The following SNTG1 variants were observed in gnomAD, a reference collection of about 807,000 sequenced individuals.
SNTG1 encodes the protein syntrophin gamma 1, also known as gamma-1-syntrophin.
Under a neutral mutation model 74.7 loss-of-function variants are expected in SNTG1, and 39 were observed. That is an observed-to-expected ratio of 0.52 (90% CI 0.40 to 0.68). SNTG1 has a LOEUF of 0.68. Among genes scored for constraint, SNTG1 ranks in the 30% least tolerant of loss-of-function variants. The pLI, the probability that SNTG1 is intolerant of heterozygous loss-of-function variation, is 0.00. For missense variants in SNTG1, 685 were observed against 609.5 expected (o/e 1.12, Z -1.30); for synonymous variants, 254 against 217.1 (o/e 1.17, Z -1.49).
At chr8:49,925,022 G>A (rs1464070250) in intron 1 of SNTG1, among the ~76,000 whole-genome samples, 1 of 151,924 alleles carries the variant, frequency 6.6e-6, no homozygotes, top group Non-Finnish European at 1.5e-5. Flanking sequence ...ATGTGGTGGT[G>A]TGTGCTGGCA....
intron 2 of SNTG1, among the ~76,000 whole-genome samples, chr8:50,253,491 G>A (rs963955654): frequency 5.3e-5 from 8 of 152,028 alleles, no homozygotes; most frequent in Non-Finnish European, 1.2e-4. Flanking sequence ...ATAAATCCAA[G>A]GGAAATGAAA....
chr8:50,695,116 A>T (rs183592967), intron 15 of SNTG1, among the ~76,000 whole-genome samples: 1 of 152,068 alleles, frequency 6.6e-6, no homozygotes, highest in East Asian at 1.9e-4. Flanking sequence ...AATAAATGGC[A>T]TAAAGACTGA....
At chr8:50,327,905 A>G (rs1426797947) in intron 2 of SNTG1, among the ~76,000 whole-genome samples, 1 of 152,150 alleles carries the variant, frequency 6.6e-6, no homozygotes, top group East Asian at 1.9e-4. Context: ...TCAAATAACT[A>G]CTTCTCTTCA....
chr8:50,140,328 T>C (rs1259332455), intron 1 of SNTG1, among the ~76,000 whole-genome samples: 1 of 152,210 alleles, frequency 6.6e-6, no homozygotes, highest in African/African-American at 2.4e-5. Context: ...AGTCTTCTTC[T>C]GAGCCTAATG....
chr8:50,582,057 C>A (rs113175597), intron 12 of SNTG1, among the ~76,000 whole-genome samples: 3 of 152,252 alleles, frequency 2.0e-5, no homozygotes, highest in African/African-American at 4.8e-5. Context: ...CCTATTTTGT[C>A]TGGATCTGAC....
At chr8:50,033,684 T>A (rs1039358586) in intron 1 of SNTG1, among the ~76,000 whole-genome samples, 1 of 152,122 alleles carries the variant, frequency 6.6e-6, no homozygotes, top group Non-Finnish European at 1.5e-5. Context: ...CTCCCTGGTA[T>A]CTCTGTGTGT....
chr8:50,569,904 A>G (rs1299815164), intron 12 of SNTG1, among the ~76,000 whole-genome samples: 2 of 152,336 alleles, frequency 1.3e-5, no homozygotes, highest in South Asian at 2.1e-4. Flanking sequence ...AAATAATTGC[A>G]GAGAGAGTCA....
chr8:50,773,021 G>A (rs1286092184), intron 18 of SNTG1, among the ~76,000 whole-genome samples: 1 of 152,070 alleles, frequency 6.6e-6, no homozygotes. Context: ...TCAGTCACCA[G>A]AGTAATGAAC....
rs1587707877 is a variant in SNTG1, at chr8:50,462,794, CTCTTTTT to C, written c.363+12067_363+12073del. 3.7e-3 allele frequency among the ~76,000 whole-genome samples: 162 copies of C among 43,618 alleles called. 46 individuals carry two copies. The highest frequency in any genetic ancestry group is 8.4e-3 in the East Asian group (9 of 1,066). 28.6% of individuals were successfully genotyped at this position (43,618 alleles called of 152,430 possible). A position where few individuals can be genotyped will look rare whatever the true frequency, so the allele number is the denominator to read the frequency against. Reference sequence around the variant, plus strand: ...AACTCAGTCGCATCTTCAGGTTCTACTCTTTTTTTTTTTTTTTTTTTTTTTTTTTTTT... The same window carrying C: ...AACTCAGTCGCATCTTCAGGTTCTACTTTTTTTTTTTTTTTTTTTTTTTTT... On this transcript the variant is annotated intron_variant, in intron 8 of 18. Coordinates refer to ENST00000642720, the MANE Select transcript of SNTG1 (RefSeq NM_018967.5).
chr8:50,718,937 CA>C (rs2095481224), intron 17 of SNTG1, among the ~76,000 whole-genome samples: 1 of 152,154 alleles, frequency 6.6e-6, no homozygotes, highest in African/African-American at 2.4e-5. Context: ...TCTTAGATTG[CA>C]GAATGCATTT....
intron 13 of SNTG1, among the ~76,000 whole-genome samples, chr8:50,599,253 T>G (rs1479974748): frequency 6.6e-6 from 1 of 152,134 alleles, no homozygotes; most frequent in Non-Finnish European, 1.5e-5. Flanking sequence ...CATGCCATTT[T>G]TCTTACTATA....
chr8:50,048,361 A>G (rs1359272856), intron 1 of SNTG1, among the ~76,000 whole-genome samples: 2 of 152,188 alleles, frequency 1.3e-5, no homozygotes, highest in Non-Finnish European at 1.5e-5. Flanking sequence ...AAGAAATCTG[A>G]CAACTTGTCT....
intron 1 of SNTG1, among the ~76,000 whole-genome samples, chr8:49,976,704 G>A (rs1812223889): frequency 6.6e-6 from 1 of 152,198 alleles, no homozygotes; most frequent in African/African-American, 2.4e-5. Flanking sequence ...GAGGCGCCCA[G>A]GTAGGAGTGA....
intron 2 of SNTG1, among the ~76,000 whole-genome samples, chr8:50,375,878 T>C (rs1480786938): frequency 2.0e-5 from 3 of 152,176 alleles, no homozygotes; most frequent in Admixed American, 6.5e-5. Context: ...CTCCAGGTTA[T>C]ATAGCAACTT....
intron 1 of SNTG1, among the ~76,000 whole-genome samples, chr8:50,133,468 A>T (rs551482851): frequency 6.6e-6 from 1 of 152,146 alleles, no homozygotes; most frequent in Non-Finnish European, 1.5e-5. Flanking sequence ...TTTGGTACTA[A>T]CATCTGTATT....
At chr8:50,105,751 TG>T (rs1378691080) in intron 1 of SNTG1, among the ~76,000 whole-genome samples, 1 of 152,138 alleles carries the variant, frequency 6.6e-6, no homozygotes, top group East Asian at 1.9e-4. Flanking sequence ...TTCGCTTTCC[TG>T]GTTAGCTGTA....
At chr8:50,395,538 C>CT (rs2092717962) in intron 3 of SNTG1, among the ~76,000 whole-genome samples, 1 of 139,362 alleles carries the variant, frequency 7.2e-6, no homozygotes, top group African/African-American at 2.6e-5. Context: ...GAGTCTCACT[C>CT]TGTCGCCCAG....
At chr8:50,255,082 T>C (rs2086822094) in intron 2 of SNTG1, among the ~76,000 whole-genome samples, 1 of 151,780 alleles carries the variant, frequency 6.6e-6, no homozygotes, top group African/African-American at 2.4e-5. Flanking sequence ...CTGTAGCTTA[T>C]TAAATGCCCT....
intron 12 of SNTG1, among the ~76,000 whole-genome samples, chr8:50,555,315 A>T (rs1468700668): frequency 1.3e-5 from 2 of 152,194 alleles, no homozygotes; most frequent in Non-Finnish European, 2.9e-5. Flanking sequence ...ATCAGTTTCC[A>T]TTCAAAAGTA....
Sources: gnomAD v4.1 joint callset for allele counts (sites outside exome capture counted in the v4.1 genomes callset) on GRCh38, gnomAD v4.1.1 for gene constraint, MANE v1.5 for transcripts, NCBI Gene and HGNC (gene_info 2026-07-23, HGNC 2026-07-21) for gene names.